The following PCDHA7 variants were observed in gnomAD, a reference collection of about 807,000 sequenced individuals.
PCDHA7 encodes protocadherin alpha 7, also known as protocadherin alpha-7.
Under a neutral mutation model 57.2 loss-of-function variants are expected in PCDHA7, and 37 were observed. The ratio of observed to expected loss-of-function variants is 0.65; its 90% confidence interval spans 0.50 to 0.85. PCDHA7 has a LOEUF of 0.85. Ranked by LOEUF, PCDHA7 falls within the 40% of genes least tolerant of loss-of-function variation. The probability of loss-of-function intolerance (pLI) is 0.00; values close to 1 mark genes in which losing one functional copy is unlikely to be tolerated. For synonymous variants in PCDHA7, 553 were observed against 558.8 expected (o/e 0.99, Z 0.15); for missense variants, 1,188 against 1,241.8 (o/e 0.96, Z 0.65).
chr5:140,983,719 A>C (rs1417350764), intron 3 of PCDHA7, among the ~76,000 whole-genome samples: 1 of 152,256 alleles, frequency 6.6e-6, no homozygotes, highest in African/African-American at 2.4e-5. Context: ...TAGCACTTAT[A>C]TTCATAACAT....
At chr5:140,980,910 T>G (rs1554242463) in intron 2 of PCDHA7, among the ~76,000 whole-genome samples, 1 of 152,206 alleles carries the variant, frequency 6.6e-6, no homozygotes, top group East Asian at 1.9e-4. Context: ...ATGTAACTAT[T>G]CTTTAAAAAA....
intron 1 of PCDHA7, among the ~76,000 whole-genome samples, chr5:140,845,707 A>G (rs2150380649): frequency 6.7e-6 from 1 of 149,734 alleles, no homozygotes; most frequent in African/African-American, 2.4e-5. Context: ...TTGGCATTAT[A>G]TGTATGCATG....
At chr5:140,877,942 C>G (rs1274042326) in intron 1 of PCDHA7, 1 of 1,367,756 alleles carries the variant, frequency 7.3e-7, no homozygotes, top group African/African-American at 1.5e-5. Context: ...ATCCTTTAAA[C>G]TATCGAATGT....
In PCDHA7 at chr5:140,836,932, C is replaced by A. The variant is rs1774821723; in HGVS notation, c.2355+194C>A. ...CACTTTTGTTTTGGGATGCGTAATA[C>A]TATAGATCAAAATCTATGGTTTATG... On this transcript the variant is annotated intron_variant, in intron 1 of 3. Coordinates refer to ENST00000525929, the MANE Select transcript of PCDHA7 (RefSeq NM_018910.3). The A allele has an allele frequency of 8.2e-6, 4 of 485,222 alleles. No homozygotes were observed. In the East Asian group the frequency reaches 1.4e-4, roughly 17 times the overall value. 30.1% of individuals were successfully genotyped at this position (485,222 alleles called of 1,614,324 possible). A position where few individuals can be genotyped will look rare whatever the true frequency, so the allele number is the denominator to read the frequency against.
At chr5:140,959,549 A>G (rs1240469168) in intron 1 of PCDHA7, among the ~76,000 whole-genome samples, 1 of 152,248 alleles carries the variant, frequency 6.6e-6, no homozygotes, top group East Asian at 1.9e-4. Flanking sequence ...TGCTGTATAA[A>G]TAGAATCAGT....
chr5:140,868,063 C>T (rs1554161737), intron 1 of PCDHA7: 1 of 151,920 alleles, frequency 6.6e-6, no homozygotes, highest in African/African-American at 2.4e-5. Context: ...CAAAGATGTT[C>T]AGGGTGATTT....
intron 1 of PCDHA7, chr5:140,967,118 C>T: frequency 6.2e-7 from 1 of 1,612,940 alleles, no homozygotes; most frequent in Non-Finnish European, 8.5e-7. Context: ...GCCTCGCTGC[C>T]TGCTCAGCTT....
At chr5:140,927,725 C>CA in intron 1 of PCDHA7, 1 of 1,614,202 alleles carries the variant, frequency 6.2e-7, no homozygotes, top group Non-Finnish European at 8.5e-7. Context: ...AGCACGCAAG[C>CA]AGAGCTGCGA....
chr5:140,862,449 G>A (rs904755604), intron 1 of PCDHA7: 31 of 364,384 alleles, frequency 8.5e-5, no homozygotes, highest in African/African-American at 6.4e-4. Context: ...ACTCCACAGC[G>A]CCCTGGACCA....
At chr5:140,909,870 C>T (rs2074741279) in intron 1 of PCDHA7, among the ~76,000 whole-genome samples, 1 of 152,206 alleles carries the variant, frequency 6.6e-6, no homozygotes. Context: ...GAGTCAACGT[C>T]AGCTTAGAGA....
At chr5:140,858,561 C>T in intron 1 of PCDHA7, 1 of 1,370,342 alleles carries the variant, frequency 7.3e-7, no homozygotes, top group Non-Finnish European at 1.0e-6. Flanking sequence ...TTGAATATTT[C>T]TAGTGATACC....
rs34755515 is a variant in PCDHA7 at position 141,000,421 on chromosome 5, A to ATTT, written c.2504-9185_2504-9183dup. 5.4e-3 allele frequency among the ~76,000 whole-genome samples: 150 copies of ATTT among 27,982 alleles called. 11 individuals are homozygous for ATTT. Among genetic ancestry groups the ATTT allele is most frequent in the Non-Finnish European group, 6.0e-3 (106 of 17,660 alleles). The allele number at this position is 27,982 out of a possible 152,430, so 18.4% of individuals were successfully genotyped here. On this transcript the variant is annotated intron_variant, in intron 3 of 3. Coordinates refer to ENST00000525929, the MANE Select transcript of PCDHA7 (RefSeq NM_018910.3). ...TATATATATATATATATATATATAT[A>ATTT]TTTTTTTTTTTTTTTTTTTTTTTGA...
Position 140,961,969 on chromosome 5 carries a change from C to A in PCDHA7, c.2356-16980C>A, listed in dbSNP as rs188846719. ...CATGATCTCGGCTCACTGCAACCTCCGCCTCCTGGGTTCACGCCATTGTCC... is the reference window on the plus strand; with the variant it reads ...CATGATCTCGGCTCACTGCAACCTCAGCCTCCTGGGTTCACGCCATTGTCC... On this transcript the variant is annotated intron_variant, in intron 1 of 3. Transcript: ENST00000525929. 8.7e-4 allele frequency among the ~76,000 whole-genome samples: 132 copies of A among 151,904 alleles called. 1 individual carries two copies. Among genetic ancestry groups the A allele is most frequent in the African/African-American group, 3.0e-3 (126 of 41,408 alleles).
At chr5:140,957,029 T>G (rs782472701) in intron 1 of PCDHA7, among the ~76,000 whole-genome samples, 4 of 152,190 alleles carry the variant, frequency 2.6e-5, no homozygotes, top group African/African-American at 4.8e-5. Flanking sequence ...TTTAGATATT[T>G]ATGGGAGTCA....
intron 1 of PCDHA7, chr5:140,876,741 G>C: frequency 6.2e-7 from 1 of 1,614,264 alleles, no homozygotes; most frequent in Non-Finnish European, 8.5e-7. Flanking sequence ...CCTATGAGCT[G>C]GTGGTGACTG....
intron 3 of PCDHA7, among the ~76,000 whole-genome samples, chr5:141,006,789 C>T (rs1388215052): frequency 6.6e-6 from 1 of 152,026 alleles, no homozygotes; most frequent in Non-Finnish European, 1.5e-5. Flanking sequence ...GAATAATTAG[C>T]TTTGAACTTT....
At chr5:140,864,245 T>C (rs1189962615) in intron 1 of PCDHA7, 1 of 152,208 alleles carries the variant, frequency 6.6e-6, no homozygotes, top group Non-Finnish European at 1.5e-5. Flanking sequence ...TTCCTATTCA[T>C]TTTCTTATTC....
In PCDHA7 at chr5:140,836,683, C is replaced by T. The variant is rs2150267743; in HGVS notation, c.2300C>T (p.Thr767Ile). The change falls in exon 1 of 4, where the codon ACA (threonine) becomes ATA (isoleucine). Residue 767 changes from threonine to isoleucine, a missense_variant. By Grantham distance (89) the Thr-to-Ile change is moderately conservative (BLOSUM62 -1). This residue lies in a region of PCDHA7 where 892 missense variants were observed against 788.5 expected (regional missense o/e 1.13). Coordinates refer to ENST00000525929, the MANE Select transcript of PCDHA7 (RefSeq NM_018910.3). ...TGCTCTGGGGAGGGCCCACCCAAGA[C>T]AGACCTCATGGCCTTCAGTCCCAGC... The part of the protein sequence containing the change: ...RVCSGEGPPK[T>I]DLMAFSPSLP... 11 of 1,613,526 alleles carry T rather than the reference C, an allele frequency of 6.8e-6. No homozygotes were observed. Among genetic ancestry groups the T allele is most frequent in the Non-Finnish European group, 9.3e-6 (11 of 1,179,624 alleles).
chr5:140,966,313 C>G, intron 1 of PCDHA7: 1 of 386,824 alleles, frequency 2.6e-6, no homozygotes. Flanking sequence ...CGTGTTCCTG[C>G]GGTCCGCTGG....
Sources: allele counts gnomAD v4.1 joint callset (sites outside exome capture counted in the v4.1 genomes callset), GRCh38; gene constraint gnomAD v4.1.1; regional missense constraint gnomAD v4.1.1; transcripts MANE v1.5; gene names NCBI Gene and HGNC (gene_info 2026-07-23, HGNC 2026-07-21).